CDK14: variants seen among roughly 807,000 people sequenced by gnomAD.
The protein encoded by CDK14 is cyclin-dependent kinase 14.
A neutral mutation model predicts 60.7 loss-of-function variants in CDK14; 34 were observed. The observed-to-expected ratio is 0.56, with a 90% CI of 0.43 to 0.75. The LOEUF is 0.75. Among genes scored for constraint, CDK14 ranks in the 30% least tolerant of loss-of-function variants. CDK14 has a pLI of 0.00. For missense variants in CDK14, 482 were observed against 564.1 expected (o/e 0.85, Z 1.47); for synonymous variants, 197 against 203.7 (o/e 0.97, Z 0.28).
At chr7:91,111,388 C>T (rs1422770718) in intron 12 of CDK14, among the ~76,000 whole-genome samples, 2 of 152,134 alleles carry the variant, frequency 1.3e-5, no homozygotes, top group African/African-American at 4.8e-5. Context: ...TAAAGAAATA[C>T]CTACTGGAAG....
At chr7:91,173,548 G>A (rs803179) in intron 14 of CDK14, among the ~76,000 whole-genome samples, 117,939 of 151,952 alleles carry the variant, frequency 0.78, 46,563 homozygotes, top group Non-Finnish European at 0.82. Context: ...GAGGTACCGG[G>A]TTCATCTCAC....
intron 6 of CDK14, among the ~76,000 whole-genome samples, chr7:90,893,969 A>G (rs1259179218): frequency 6.6e-6 from 1 of 152,190 alleles, no homozygotes; most frequent in African/African-American, 2.4e-5. Context: ...GGAAGAACAC[A>G]TATGTAAAGA....
At chr7:90,891,260 G>T (rs1792116058) in intron 6 of CDK14, among the ~76,000 whole-genome samples, 1 of 152,132 alleles carries the variant, frequency 6.6e-6, no homozygotes, top group South Asian at 2.1e-4. Flanking sequence ...TAATCAGATG[G>T]CATGTATACC....
chr7:90,770,018 T>C (rs1804722859), intron 4 of CDK14, among the ~76,000 whole-genome samples: 1 of 152,236 alleles, frequency 6.6e-6, no homozygotes, highest in African/African-American at 2.4e-5. Context: ...ATTTTTTTAT[T>C]AGATGCTAGA....
chr7:90,851,360 T>C (rs1181332902), intron 5 of CDK14, among the ~76,000 whole-genome samples: 1 of 152,154 alleles, frequency 6.6e-6, no homozygotes, highest in Non-Finnish European at 1.5e-5. Flanking sequence ...TGTGTATGAA[T>C]GTGTGTGTGG....
chr7:91,200,547 C>T (rs1342721169), intron 14 of CDK14, among the ~76,000 whole-genome samples: 1 of 152,170 alleles, frequency 6.6e-6, no homozygotes, highest in East Asian at 1.9e-4. Context: ...GGAAGGGAAT[C>T]TCTCTGGACT....
At chr7:90,765,429 CAA>C (rs1029628509) in intron 4 of CDK14, among the ~76,000 whole-genome samples, 23 of 151,812 alleles carry the variant, frequency 1.5e-4, no homozygotes, top group African/African-American at 5.3e-4. Flanking sequence ...TAGAGCTGGG[CAA>C]AGAGAGAAGT....
intron 3 of CDK14, among the ~76,000 whole-genome samples, chr7:90,730,790 C>T (rs1374783091): frequency 6.6e-6 from 1 of 152,068 alleles, no homozygotes; most frequent in African/African-American, 2.4e-5. Flanking sequence ...AAATTTTCTC[C>T]CATTCTGGAG....
Position 90,786,836 on chromosome 7 carries a change from T to C in CDK14, c.465-3737T>C, listed in dbSNP as rs376563562. 3.3e-4 allele frequency among the ~76,000 whole-genome samples: 50 copies of C among 150,242 alleles called. No individual in the cohort carries two copies. The East Asian group carries it at 8.7e-3, about 26-fold the overall frequency. On this transcript the variant is annotated intron_variant, in intron 4 of 14. Transcript: ENST00000380050. ...CTGGAGGCTGAGGTAGGAGAATCTC[T>C]TGAGCCCCGGAGATGGAGGCTGGAG...
At chr7:90,874,503 C>CTTT (rs747439482) in intron 6 of CDK14, among the ~76,000 whole-genome samples, 521 of 47,998 alleles carry the variant, frequency 0.011, 169 homozygotes, top group East Asian at 0.037. Flanking sequence ...TCCTTTCATC[C>CTTT]TTTTTTTTTT....
chr7:90,793,845 T>C (rs1475783127), intron 5 of CDK14, among the ~76,000 whole-genome samples: 3 of 152,174 alleles, frequency 2.0e-5, no homozygotes, highest in Non-Finnish European at 4.4e-5. Context: ...TGGAGTTGAG[T>C]ACTTTTGACA....
chr7:90,604,179 T>G, intron 1 of CDK14, 39 bp from the exon 2 acceptor site: 2 of 1,413,674 alleles, frequency 1.4e-6, no homozygotes, highest in East Asian at 4.7e-5. Context: ...CTTTGGAATT[T>G]TTCACAATAA....
chr7:90,778,888 CTTCCTTCCTTCT>C (rs1805173825), intron 4 of CDK14, among the ~76,000 whole-genome samples: 1 of 110,872 alleles, frequency 9.0e-6, no homozygotes, highest in Non-Finnish European at 1.8e-5. Context: ...TCCTTCCTTC[CTTCCTTCCTTCT>C]TTTCTCTCTC....
At chr7:91,168,031 A>G (rs1355414840) in intron 14 of CDK14, among the ~76,000 whole-genome samples, 1 of 152,190 alleles carries the variant, frequency 6.6e-6, no homozygotes, top group Non-Finnish European at 1.5e-5. Context: ...TGGGAGGCCA[A>G]GGTGGCTGGA....
chr7:90,918,442 T>G (rs181298167), intron 8 of CDK14, among the ~76,000 whole-genome samples: 2 of 152,354 alleles, frequency 1.3e-5, no homozygotes, highest in African/African-American at 4.8e-5. Flanking sequence ...TGTTTGAGCA[T>G]CCAAAGGGAA....
chr7:91,173,722 C>T (rs1801613380), intron 14 of CDK14, among the ~76,000 whole-genome samples: 1 of 152,178 alleles, frequency 6.6e-6, no homozygotes, highest in Non-Finnish European at 1.5e-5. Flanking sequence ...TCGGGTCACT[C>T]CCACCCCAAT....
chr7:90,613,758 C>G (rs76456032), intron 2 of CDK14, among the ~76,000 whole-genome samples: 1 of 152,130 alleles, frequency 6.6e-6, no homozygotes, highest in Admixed American at 6.5e-5. Flanking sequence ...CCTAACTACT[C>G]TATTTTCTTC....
rs181009110 is a variant in CDK14, at chr7:91,171,916, G to A, written c.*29-35249G>A. ...CCCACCTCGACCTCTCAAAGTACTG[G>A]GATGTGAGCCACTGCACCCGGCCCA... On this transcript the variant is annotated intron_variant, in intron 14 of 14. Coordinates refer to ENST00000380050, the MANE Select transcript of CDK14 (RefSeq NM_001287135.2). Among the ~76,000 whole-genome samples, 111 of 152,202 alleles carry A rather than the reference G, an allele frequency of 7.3e-4. 1 individual carries two copies. The highest frequency in any genetic ancestry group is 1.3e-3 in the Non-Finnish European group (89 of 68,016).
At chr7:91,019,415 A>T (rs1796383463) in intron 10 of CDK14, among the ~76,000 whole-genome samples, 1 of 152,172 alleles carries the variant, frequency 6.6e-6, no homozygotes, top group South Asian at 2.1e-4. Context: ...CTGAATTATG[A>T]ACAATAATAC....
Sources: gnomAD v4.1 joint callset for allele counts (sites outside exome capture counted in the v4.1 genomes callset) on GRCh38, gnomAD v4.1.1 for gene constraint, MANE v1.5 for transcripts, NCBI Gene and HGNC (gene_info 2026-07-23, HGNC 2026-07-21) for gene names.